C9orf153: variants seen among roughly 807,000 people sequenced by gnomAD.
C9orf153 encodes the protein chromosome 9 open reading frame 153, also known as uncharacterized protein C9orf153.
In C9orf153, 10 loss-of-function variants were observed where a neutral mutation model predicts 9.0. The observed-to-expected ratio is 1.11, with a 90% CI of 0.69 to 1.89. C9orf153 has a LOEUF of 1.89. Ranked by LOEUF, C9orf153 falls within the 40% of genes most tolerant of loss-of-function variation. The pLI, the probability that C9orf153 is intolerant of heterozygous loss-of-function variation, is 0.00. For synonymous variants in C9orf153, 35 were observed against 37.3 expected (o/e 0.94, Z 0.23); for missense variants, 108 against 111.0 (o/e 0.97, Z 0.12).
chr9:86,228,535 TG>T (rs1824392609), intron 2 of C9orf153, among the ~76,000 whole-genome samples: 1 of 152,198 alleles, frequency 6.6e-6, no homozygotes, highest in Non-Finnish European at 1.5e-5. Flanking sequence ...CATTGCTCAC[TG>T]GGATATGTGA....
At chr9:86,223,927 G>A (rs1324703387) in intron 3 of C9orf153, among the ~76,000 whole-genome samples, 1 of 152,144 alleles carries the variant, frequency 6.6e-6, no homozygotes, top group East Asian at 1.9e-4. Context: ...GAGTGGGAGG[G>A]GAGGATGGAG....
At chr9:86,235,932 T>A (rs1164610181) in intron 1 of C9orf153, among the ~76,000 whole-genome samples, 1 of 151,882 alleles carries the variant, frequency 6.6e-6, no homozygotes, top group African/African-American at 2.4e-5. Flanking sequence ...CCCAAATTAA[T>A]GTTGTACACC....
intron 1 of C9orf153, among the ~76,000 whole-genome samples, chr9:86,236,139 C>T (rs1317047057): frequency 6.6e-6 from 1 of 152,056 alleles, no homozygotes; most frequent in African/African-American, 2.4e-5. Flanking sequence ...ATTACCTCTT[C>T]CTTCTCCTCA....
intron 2 of C9orf153, chr9:86,228,721 C>G (rs1415347734): frequency 6.5e-6 from 1 of 152,716 alleles, no homozygotes; most frequent in Non-Finnish European, 1.5e-5. Context: ...AGGCCATAGT[C>G]TCAGGTTAGG....
chr9:86,242,959 G>A lies in C9orf153; in HGVS notation c.-26-13330C>T, dbSNP rs542693271. Among the ~76,000 whole-genome samples the A allele has an allele frequency of 2.2e-3, 341 of 152,234 alleles. 1 individual carries two copies. Among genetic ancestry groups the A allele is most frequent in the African/African-American group, 7.9e-3 (327 of 41,528 alleles). On this transcript the variant is annotated intron_variant, in intron 1 of 3. Coordinates refer to ENST00000339137, the MANE Select transcript of C9orf153 (RefSeq NM_001276366.4). ...CTCCCAAAGTGTTGGGATTACAGGCGTGAACCACCACGCCCAGCCCCGCAG... is the reference window on the plus strand; with the variant it reads ...CTCCCAAAGTGTTGGGATTACAGGCATGAACCACCACGCCCAGCCCCGCAG...
At chr9:86,256,703 A>G (rs1825129471) in intron 1 of C9orf153, among the ~76,000 whole-genome samples, 1 of 152,236 alleles carries the variant, frequency 6.6e-6, no homozygotes, top group Admixed American at 6.5e-5. Flanking sequence ...GCCCAGGGTT[A>G]ATTGTTTAAA....
intron 3 of C9orf153, among the ~76,000 whole-genome samples, chr9:86,223,201 T>C (rs1458041740): frequency 6.6e-6 from 1 of 152,092 alleles, no homozygotes; most frequent in Non-Finnish European, 1.5e-5. Context: ...ATGATTTTGA[T>C]GACTAAAGAG....
At chr9:86,236,946 A>AT (rs1477057731) in intron 1 of C9orf153, among the ~76,000 whole-genome samples, 3 of 151,734 alleles carry the variant, frequency 2.0e-5, no homozygotes, top group African/African-American at 7.2e-5. Context: ...AAATAAAAAA[A>AT]AAAAAAAAAA....
intron 3 of C9orf153, chr9:86,227,397 C>G: frequency 6.7e-7 from 1 of 1,500,928 alleles, no homozygotes; most frequent in Non-Finnish European, 8.9e-7. Flanking sequence ...TTTATTGACA[C>G]TGTATAAAGC....
Position 86,228,013 on chromosome 9 carries a change from T to C in C9orf153, c.84A>G (p.Ala28=), listed in dbSNP as rs1375629277. The C allele has an allele frequency of 7.5e-6, 12 of 1,605,832 alleles. No individual in the cohort carries two copies. The highest frequency in any genetic ancestry group is 1.0e-5 in the Non-Finnish European group (12 of 1,176,494). The change falls in exon 3 of 4, where the codon GCA becomes GCG. Residue 28 remains alanine (A), a synonymous_variant. Coordinates refer to ENST00000339137, the MANE Select transcript of C9orf153 (RefSeq NM_001276366.4). ...LPQCSLPELY[A]CIENFNKESK... Reference sequence around the variant, plus strand: ...TCTCCTTATTAAAATTCTCAATACATGCATATAATTCTGGAAGCTGTGGAC... The same window carrying C: ...TCTCCTTATTAAAATTCTCAATACACGCATATAATTCTGGAAGCTGTGGAC...
chr9:86,253,856 CCAAGGAGGGCAGATCA>C, intron 1 of C9orf153, among the ~76,000 whole-genome samples: 1 of 152,074 alleles, frequency 6.6e-6, no homozygotes, highest in Non-Finnish European at 1.5e-5. Flanking sequence ...CTTTGGGAGG[CCAAGGAGGGCAGATCA>C]TGAGGTCAGG....
At chr9:86,242,593 T>C (rs1465863202) in intron 1 of C9orf153, among the ~76,000 whole-genome samples, 1 of 152,232 alleles carries the variant, frequency 6.6e-6, no homozygotes, top group East Asian at 1.9e-4. Flanking sequence ...AGGCCAAATA[T>C]GTATTTTATG....
intron 1 of C9orf153, among the ~76,000 whole-genome samples, chr9:86,255,975 C>T (rs999996446): frequency 3.9e-5 from 6 of 152,202 alleles, no homozygotes; most frequent in African/African-American, 1.4e-4. Flanking sequence ...CATTGTGGCA[C>T]TTCTTACCCA....
intron 1 of C9orf153, among the ~76,000 whole-genome samples, chr9:86,240,784 C>T (rs1824722528): frequency 6.9e-6 from 1 of 145,892 alleles, no homozygotes; most frequent in Non-Finnish European, 1.5e-5. Flanking sequence ...CCTTGGCTCA[C>T]TGCAACCTCC....
chr9:86,223,574 A>C (rs1587794164), intron 3 of C9orf153, among the ~76,000 whole-genome samples: 1 of 152,244 alleles, frequency 6.6e-6, no homozygotes, highest in East Asian at 1.9e-4. Context: ...TCTGCTATAG[A>C]GGGGGGAGCT....
At chr9:86,231,139 C>T (rs1026503202) in intron 1 of C9orf153, among the ~76,000 whole-genome samples, 9 of 152,274 alleles carry the variant, frequency 5.9e-5, no homozygotes, top group East Asian at 3.9e-4. Flanking sequence ...CAGCCCCAGA[C>T]GAGCCTCCAG....
chr9:86,232,455 T>C (rs1052878915), intron 1 of C9orf153, among the ~76,000 whole-genome samples: 2 of 152,198 alleles, frequency 1.3e-5, no homozygotes, highest in African/African-American at 4.8e-5. Context: ...TGTTTACAGA[T>C]TTGTGTGAGT....
chr9:86,257,785 G>T (rs1452561693), intron 1 of C9orf153, among the ~76,000 whole-genome samples: 1 of 152,190 alleles, frequency 6.6e-6, no homozygotes, highest in East Asian at 1.9e-4. Flanking sequence ...CTCAGAGAGG[G>T]GAAAAGTCTG....
rs192812108 is a variant in C9orf153, at chr9:86,246,873, C to T, written c.-27+12677G>A. The stretch of plus-strand genomic sequence containing the variant: ...TTGCTATTGATTTACATGTCCCTAA[C>T]ATGACAGTATTTACTTTTGAAAACG... On this transcript the variant is annotated intron_variant, in intron 1 of 3. Coordinates refer to ENST00000339137, the MANE Select transcript of C9orf153 (RefSeq NM_001276366.4). Among the ~76,000 whole-genome samples, 6 of 152,306 alleles carry T rather than the reference C, an allele frequency of 3.9e-5. No individual in the cohort carries two copies. The East Asian group carries it at 5.8e-4, about 15-fold the overall frequency.
Sources: allele counts gnomAD v4.1 joint callset (sites outside exome capture counted in the v4.1 genomes callset), GRCh38; gene constraint gnomAD v4.1.1; transcripts MANE v1.5; gene names NCBI Gene and HGNC (gene_info 2026-07-23, HGNC 2026-07-21).